Variants in PLCB4 observed in about 807,000 individuals in gnomAD.
The protein encoded by PLCB4 is phospholipase C beta 4, also known as 1-phosphatidylinositol 4,5-bisphosphate phosphodiesterase beta-4.
PLCB4 carries 77 observed loss-of-function variants against 178.8 expected under a neutral mutation model. That is an observed-to-expected ratio of 0.43 (90% CI 0.36 to 0.52). The LOEUF (loss-of-function observed/expected upper bound fraction) is 0.52, where lower values mean the gene tolerates loss of function less well. PLCB4 is among the 20% of genes least tolerant of loss of function. The pLI is 0.00. For synonymous variants in PLCB4, 496 were observed against 490.8 expected, an observed-to-expected ratio of 1.01 and a Z score of -0.14; for missense variants, 1,024 against 1,453.4, an observed-to-expected ratio of 0.70 and a Z score of 4.80.
chr20:9,083,412 CA>C (rs1022753970), intron 1 of PLCB4, among the ~76,000 whole-genome samples: 42 of 152,082 alleles, frequency 2.8e-4, no homozygotes, highest in African/African-American at 8.5e-4. Context: ...GTGCTTGAGC[CA>C]CACTGTGGAA....
chr20:9,087,161 C>T (rs1440047102), intron 1 of PLCB4, among the ~76,000 whole-genome samples: 2 of 152,068 alleles, frequency 1.3e-5, no homozygotes, highest in African/African-American at 4.8e-5. Context: ...ATGTTTAGTC[C>T]ATTTACATTT....
At chr20:9,099,502 ATT>A (rs1568746509) in intron 2 of PLCB4, among the ~76,000 whole-genome samples, 1 of 152,168 alleles carries the variant, frequency 6.6e-6, no homozygotes, top group Admixed American at 6.5e-5. Context: ...TGAGTTCATC[ATT>A]TACACCAGTC....
At position 9,407,752 on chromosome 20, in the gene PLCB4, C is replaced by T. The variant is rs60039591; in HGVS notation, c.1648-165C>T. ...CCTTTTGCATTATTCAGAGCTACAA[C>T]AGACACTAACTTCTTAAAGTATCCT... On this transcript the variant is annotated intron_variant, in intron 21 of 39. Transcript: ENST00000378473. 0.04 allele frequency among the ~76,000 whole-genome samples: 6,166 copies of T among 152,288 alleles called. 428 individuals are homozygous for T. Among genetic ancestry groups the T allele is most frequent in the African/African-American group, 0.14 (5,811 of 41,508 alleles).
At chr20:9,098,059 A>G (rs2090986224) in intron 2 of PLCB4, among the ~76,000 whole-genome samples, 1 of 152,190 alleles carries the variant, frequency 6.6e-6, no homozygotes, top group African/African-American at 2.4e-5. Context: ...GAGTTCAAAA[A>G]CCTGCTGTAT....
intron 1 of PLCB4, among the ~76,000 whole-genome samples, chr20:9,073,355 C>A (rs564747587): frequency 6.6e-6 from 1 of 152,228 alleles, no homozygotes; most frequent in African/African-American, 2.4e-5. Flanking sequence ...GCCAAGGATG[C>A]AGTTTGGTGG....
intron 30 of PLCB4, among the ~76,000 whole-genome samples, chr20:9,437,865 CA>C (rs1381417197): frequency 2.6e-5 from 4 of 152,164 alleles, no homozygotes; most frequent in Admixed American, 6.5e-5. Flanking sequence ...ACACCTATCA[CA>C]TTGTGTTAAT....
intron 4 of PLCB4, among the ~76,000 whole-genome samples, chr20:9,323,875 C>A (rs145699867): frequency 6.6e-6 from 1 of 152,294 alleles, no homozygotes; most frequent in East Asian, 1.9e-4. Flanking sequence ...CTCAGCTGTA[C>A]TGCAAGCTGA....
chr20:9,136,716 A>G (rs941584287), intron 2 of PLCB4, among the ~76,000 whole-genome samples: 1 of 152,096 alleles, frequency 6.6e-6, no homozygotes, highest in Non-Finnish European at 1.5e-5. Context: ...CCAATATGAC[A>G]AACACCTTGT....
chr20:9,236,533 G>C (rs1028427091), intron 3 of PLCB4, among the ~76,000 whole-genome samples: 1 of 152,096 alleles, frequency 6.6e-6, no homozygotes, highest in Non-Finnish European at 1.5e-5. Context: ...ATTGCACAAG[G>C]CAGTGTCTAA....
At chr20:9,285,362 G>C (rs2094528242) in intron 3 of PLCB4, among the ~76,000 whole-genome samples, 1 of 151,716 alleles carries the variant, frequency 6.6e-6, no homozygotes, top group African/African-American at 2.4e-5. Context: ...TTTAGTCAAA[G>C]AAAAAATTAA....
intron 28 of PLCB4, among the ~76,000 whole-genome samples, chr20:9,434,120 G>A (rs2148632531): frequency 6.6e-6 from 1 of 152,278 alleles, no homozygotes; most frequent in South Asian, 2.1e-4. Flanking sequence ...AGAATGGAAA[G>A]TTTAAGCAAC....
At chr20:9,226,340 G>T (rs1463256615) in intron 3 of PLCB4, among the ~76,000 whole-genome samples, 1 of 152,150 alleles carries the variant, frequency 6.6e-6, no homozygotes, top group Non-Finnish European at 1.5e-5. Context: ...TGCATTGGAG[G>T]TATGTTAAAG....
chr20:9,183,112 T>A, intron 2 of PLCB4, among the ~76,000 whole-genome samples: 1 of 152,088 alleles, frequency 6.6e-6, no homozygotes. Context: ...GAGGATGTTG[T>A]CCAAACATAA....
chr20:9,152,834 A>G (rs1356044227), intron 2 of PLCB4, among the ~76,000 whole-genome samples: 2 of 152,118 alleles, frequency 1.3e-5, no homozygotes, highest in Non-Finnish European at 2.9e-5. Flanking sequence ...ACTCAATGCC[A>G]GCCCATGAAA....
chr20:9,442,408 G>A (rs1201128960), intron 30 of PLCB4, among the ~76,000 whole-genome samples: 1 of 151,700 alleles, frequency 6.6e-6, no homozygotes, highest in African/African-American at 2.4e-5. Flanking sequence ...AATCACTTAT[G>A]GGAATCAACA....
chr20:9,081,796 T>C (rs1289111279), intron 1 of PLCB4, among the ~76,000 whole-genome samples: 1 of 131,316 alleles, frequency 7.6e-6, no homozygotes, highest in African/African-American at 2.8e-5. Flanking sequence ...CAAAGTTTAG[T>C]AAACCGAAGC....
chr20:9,239,117 A>G (rs2094027328), intron 3 of PLCB4, among the ~76,000 whole-genome samples: 1 of 152,126 alleles, frequency 6.6e-6, no homozygotes, highest in African/African-American at 2.4e-5. Flanking sequence ...GGCCCGTGTT[A>G]GTTTAAATAG....
At chr20:9,164,321 T>A (rs2092935209) in intron 2 of PLCB4, among the ~76,000 whole-genome samples, 1 of 152,132 alleles carries the variant, frequency 6.6e-6, no homozygotes, top group African/African-American at 2.4e-5. Flanking sequence ...ATCTTTGGAG[T>A]CTTTTTTTTT....
rs565793690 is a variant in PLCB4 at position 9,116,048 on chromosome 20, A to G, written c.-79+19706A>G. Among the ~76,000 whole-genome samples, 35 of 152,082 alleles carry G rather than the reference A, an allele frequency of 2.3e-4. No individual in the cohort carries two copies. The South Asian group carries it at 7.1e-3, about 31-fold the overall frequency. ...ATTTTGAATCCTCCACATGGACCAC[A>G]CATATTTATAGCTAGAAATGTGAAT... On this transcript the variant is annotated intron_variant, in intron 2 of 39. Transcript: ENST00000378473.
Sources: allele counts gnomAD v4.1 joint callset (sites outside exome capture counted in the v4.1 genomes callset), GRCh38; gene constraint gnomAD v4.1.1; transcripts MANE v1.5; gene names NCBI Gene and HGNC (gene_info 2026-07-23, HGNC 2026-07-21).